The following MYO3B variants were observed in gnomAD, a reference collection of about 807,000 sequenced individuals.
MYO3B encodes myosin-IIIb.
Under a neutral mutation model 174.6 loss-of-function variants are expected in MYO3B, and 156 were observed. That is an observed-to-expected ratio of 0.89 (90% CI 0.78 to 1.02). The LOEUF (loss-of-function observed/expected upper bound fraction) is 1.02, where lower values mean the gene tolerates loss of function less well. MYO3B is among the 50% of genes least tolerant of loss of function. The pLI, the probability that MYO3B is intolerant of heterozygous loss-of-function variation, is 0.00. For synonymous variants in MYO3B, 563 were observed against 569.1 expected (o/e 0.99, Z 0.15); for missense variants, 1,632 against 1,639.4 (o/e 1.00, Z 0.08).
intron 25 of MYO3B, among the ~76,000 whole-genome samples, chr2:170,467,330 A>C (rs1033887125): frequency 1.3e-5 from 2 of 152,206 alleles, no homozygotes; most frequent in East Asian, 1.9e-4. Flanking sequence ...GTCTGGTTTC[A>C]GCATGCATGC....
intron 7 of MYO3B, among the ~76,000 whole-genome samples, chr2:170,309,729 T>A (rs973710255): frequency 6.6e-6 from 1 of 150,748 alleles, no homozygotes; most frequent in Middle Eastern, 3.2e-3. Flanking sequence ...CTTTTTTTTT[T>A]AATTTGAAGT....
chr2:170,279,030 C>T (rs919011001), intron 7 of MYO3B, among the ~76,000 whole-genome samples: 1 of 152,008 alleles, frequency 6.6e-6, no homozygotes, highest in Non-Finnish European at 1.5e-5. Context: ...ATTCTTTATT[C>T]ATTCATCTGT....
intron 7 of MYO3B, among the ~76,000 whole-genome samples, chr2:170,328,211 A>G (rs535129550): frequency 6.6e-6 from 1 of 152,038 alleles, no homozygotes; most frequent in Non-Finnish European, 1.5e-5. Flanking sequence ...ACATATGCAT[A>G]TTTTGAATAT....
At chr2:170,227,360 C>G (rs1211333724) in intron 6 of MYO3B, among the ~76,000 whole-genome samples, 3 of 152,194 alleles carry the variant, frequency 2.0e-5, no homozygotes, top group Admixed American at 2.0e-4. Context: ...TTTTGGCTCA[C>G]TGCGACCTCC....
At chr2:170,369,138 T>C in intron 8 of MYO3B, 84 bp from the exon 9 acceptor site, 3 of 1,290,034 alleles carry the variant, frequency 2.3e-6, no homozygotes, top group Non-Finnish European at 3.2e-6. Context: ...AATGAGCTTT[T>C]ACCTTCTCTC....
chr2:170,272,273 G>A (rs546124786), intron 7 of MYO3B, among the ~76,000 whole-genome samples: 74 of 152,146 alleles, frequency 4.9e-4, no homozygotes, highest in African/African-American at 1.6e-3. Flanking sequence ...CAAGCCCTGT[G>A]GGTGCTTCTG....
intron 16 of MYO3B, among the ~76,000 whole-genome samples, chr2:170,396,670 G>A (rs1436759722): frequency 5.9e-5 from 9 of 152,270 alleles, no homozygotes; most frequent in African/African-American, 1.9e-4. Context: ...TAGGCACTAT[G>A]CTGAAGAGGG....
chr2:170,315,227 T>C (rs1236878493), intron 7 of MYO3B, among the ~76,000 whole-genome samples: 1 of 150,866 alleles, frequency 6.6e-6, no homozygotes. Context: ...TGCAGACTGA[T>C]TGACTGATTT....
chr2:170,203,626 G>A (rs1373325743), intron 3 of MYO3B, among the ~76,000 whole-genome samples: 1 of 152,030 alleles, frequency 6.6e-6, no homozygotes, highest in Admixed American at 6.6e-5. Flanking sequence ...GAATATCACT[G>A]GAAGTGTTAC....
rs191720096 is a variant in MYO3B at position 170,486,880 on chromosome 2, G to A, written c.3015-11712G>A. On this transcript the variant is annotated intron_variant, in intron 25 of 34. Coordinates refer to ENST00000408978, the MANE Select transcript of MYO3B (RefSeq NM_138995.5). ...TCAGAAGCTTCTAAGCATCTACCCC[G>A]GTTCTACCCTCAAGGCTTTACTGAA... Among the ~76,000 whole-genome samples the A allele has an allele frequency of 6.4e-4, 98 of 152,210 alleles. 1 individual carries two copies. Among genetic ancestry groups the A allele is most frequent in the African/African-American group, 2.2e-3 (90 of 41,514 alleles).
At chr2:170,209,038 T>TAG (rs1466623514) in intron 3 of MYO3B, among the ~76,000 whole-genome samples, 3 of 152,206 alleles carry the variant, frequency 2.0e-5, no homozygotes, top group Non-Finnish European at 2.9e-5. Flanking sequence ...TCAGGAACCC[T>TAG]ATACAGGTAC....
At position 170,203,501 on chromosome 2, in the gene MYO3B, G is replaced by C. The variant is rs867961127; in HGVS notation, c.321+3217G>C. The stretch of plus-strand genomic sequence containing the variant: ...GAGCCAAAGCAAAAGGGGGCGGCGG[G>C]GGGGGGAGGGAGGGAGGGAGAAAGA... On this transcript the variant is annotated intron_variant, in intron 3 of 34. Coordinates refer to ENST00000408978, the MANE Select transcript of MYO3B (RefSeq NM_138995.5). Among the ~76,000 whole-genome samples, 131 of 142,188 alleles carry C rather than the reference G, an allele frequency of 9.2e-4. 2 individuals carry two copies. The highest frequency in any genetic ancestry group is 1.8e-3 in the African/African-American group (64 of 35,638). The allele number at this position is 142,188 out of a possible 152,430, so 93.3% of individuals were successfully genotyped here. A position where few individuals can be genotyped will look rare whatever the true frequency, so the allele number is the denominator to read the frequency against.
intron 32 of MYO3B, among the ~76,000 whole-genome samples, chr2:170,629,482 T>A (rs924533068): frequency 1.8e-4 from 27 of 152,210 alleles, no homozygotes; most frequent in Admixed American, 1.8e-3. Context: ...TAAAAACAAA[T>A]ATACCCTGAA....
At chr2:170,641,873 A>AG (rs1559192515) in intron 32 of MYO3B, among the ~76,000 whole-genome samples, 3 of 18,350 alleles carry the variant, frequency 1.6e-4, no homozygotes, top group East Asian at 5.4e-3. Context: ...GGGGGGGGGG[A>AG]GGGGCGGGGA....
Position 170,200,109 on chromosome 2 carries a change from C to T in MYO3B, c.187-41C>T, listed in dbSNP as rs200794844. On this transcript the variant is annotated intron_variant, in intron 2 of 34. Transcript: ENST00000408978. Reference sequence around the variant, plus strand: ...TGTCATATCTGTACCCTTCCTTACACATTAGATTTAATCCAGCTTGCATTT... The same window carrying T: ...TGTCATATCTGTACCCTTCCTTACATATTAGATTTAATCCAGCTTGCATTT... 26 of 1,591,882 alleles carry T rather than the reference C, an allele frequency of 1.6e-5. No individual in the cohort carries two copies. In the African/African-American group the frequency reaches 3.1e-4, roughly 19 times the overall value.
At chr2:170,401,920 C>T (rs1449756924) in intron 18 of MYO3B, among the ~76,000 whole-genome samples, 1 of 151,590 alleles carries the variant, frequency 6.6e-6, no homozygotes, top group South Asian at 2.1e-4. Context: ...CAACTGCCTC[C>T]GCCTCTTGAG....
chr2:170,582,306 T>C (rs541884326), intron 32 of MYO3B, among the ~76,000 whole-genome samples: 1 of 152,302 alleles, frequency 6.6e-6, no homozygotes, highest in South Asian at 2.1e-4. Context: ...CTTCCCTACT[T>C]CTACTCTGGA....
chr2:170,263,291 A>G (rs890225428), intron 7 of MYO3B, among the ~76,000 whole-genome samples: 2 of 152,174 alleles, frequency 1.3e-5, no homozygotes, highest in African/African-American at 4.8e-5. Context: ...GGAAGGTCTT[A>G]GAAGTCTTCA....
chr2:170,306,896 A>G (rs1014498007), intron 7 of MYO3B, among the ~76,000 whole-genome samples: 1 of 152,208 alleles, frequency 6.6e-6, no homozygotes, highest in South Asian at 2.1e-4. Context: ...GTAGAAAACT[A>G]CGTTTTAATT....
Sources: allele counts gnomAD v4.1 joint callset (sites outside exome capture counted in the v4.1 genomes callset), GRCh38; gene constraint gnomAD v4.1.1; transcripts MANE v1.5; gene names NCBI Gene and HGNC (gene_info 2026-07-23, HGNC 2026-07-21).